SERGEF: variants seen among roughly 807,000 people sequenced by gnomAD.
The protein encoded by SERGEF is secretion regulating guanine nucleotide exchange factor.
SERGEF carries 51 observed loss-of-function variants against 50.0 expected under a neutral mutation model. That is an observed-to-expected ratio of 1.02 (90% CI 0.81 to 1.29). The LOEUF (loss-of-function observed/expected upper bound fraction) is 1.29, where lower values mean the gene tolerates loss of function less well. SERGEF is among the 50% of genes most tolerant of loss of function. The pLI is 0.00. For synonymous variants in SERGEF, 205 were observed against 212.4 expected, an observed-to-expected ratio of 0.97 and a Z score of 0.30; for missense variants, 521 against 557.0, an observed-to-expected ratio of 0.94 and a Z score of 0.65.
intron 10 of SERGEF, among the ~76,000 whole-genome samples, chr11:17,850,951 C>G (rs1013618381): frequency 6.6e-6 from 1 of 152,090 alleles, no homozygotes; most frequent in Non-Finnish European, 1.5e-5. Flanking sequence ...GTCAGGAGAC[C>G]TGGGTTGTAG....
chr11:17,829,494 T>C (rs749613725), intron 10 of SERGEF, among the ~76,000 whole-genome samples: 128 of 152,314 alleles, frequency 8.4e-4, no homozygotes, highest in Non-Finnish European at 1.6e-3. Flanking sequence ...TTAACCATTA[T>C]CGTTTTACCT....
intron 10 of SERGEF, among the ~76,000 whole-genome samples, chr11:17,814,750 C>T (rs1849933249): frequency 6.6e-6 from 1 of 152,198 alleles, no homozygotes; most frequent in Non-Finnish European, 1.5e-5. Flanking sequence ...AACTCTGGGA[C>T]AGAATTCCTG....
chr11:17,918,913 G>A (rs796279407), intron 9 of SERGEF: 9 of 333,242 alleles, frequency 2.7e-5, no homozygotes, highest in South Asian at 1.6e-4. Context: ...GAAGCAAAAG[G>A]TTCACTTAAC....
chr11:17,858,948 C>G (rs1438498652), intron 10 of SERGEF, among the ~76,000 whole-genome samples: 2 of 152,122 alleles, frequency 1.3e-5, no homozygotes, highest in Non-Finnish European at 2.9e-5. Context: ...AATAAATACC[C>G]TGACCTCGTT....
At chr11:17,910,558 G>A (rs1369612392) in intron 9 of SERGEF, among the ~76,000 whole-genome samples, 1 of 152,152 alleles carries the variant, frequency 6.6e-6, no homozygotes, top group Non-Finnish European at 1.5e-5. Flanking sequence ...CTGGCCTGTT[G>A]TGGGTTTGTT....
chr11:17,954,788 G>A (rs960751657), intron 9 of SERGEF, among the ~76,000 whole-genome samples: 1 of 152,206 alleles, frequency 6.6e-6, no homozygotes, highest in South Asian at 2.1e-4. Flanking sequence ...CATGACTCAG[G>A]ACTGTGGCTG....
chr11:17,818,730 A>G (rs1850023309), intron 10 of SERGEF, among the ~76,000 whole-genome samples: 1 of 152,158 alleles, frequency 6.6e-6, no homozygotes, highest in African/African-American at 2.4e-5. Context: ...TTACTCCTCT[A>G]TCTAAACTCC....
chr11:17,820,583 A>G (rs895180904), intron 10 of SERGEF, among the ~76,000 whole-genome samples: 1 of 152,096 alleles, frequency 6.6e-6, no homozygotes, highest in African/African-American at 2.4e-5. Flanking sequence ...GGATGATAAA[A>G]CCTACCTCAT....
chr11:17,894,004 C>T (rs568310398), intron 9 of SERGEF, among the ~76,000 whole-genome samples: 68 of 152,300 alleles, frequency 4.5e-4, no homozygotes, highest in Middle Eastern at 3.4e-3. Context: ...GACCTCTCCC[C>T]CACTCTGTCA....
At chr11:17,824,828 T>C (rs1244311126) in intron 10 of SERGEF, among the ~76,000 whole-genome samples, 1 of 152,184 alleles carries the variant, frequency 6.6e-6, no homozygotes, top group Non-Finnish European at 1.5e-5. Context: ...AAATACCTTA[T>C]CTCCAAATAC....
chr11:17,968,422 A>G (rs1328223651), intron 8 of SERGEF, among the ~76,000 whole-genome samples: 1 of 152,206 alleles, frequency 6.6e-6, no homozygotes, highest in Non-Finnish European at 1.5e-5. Context: ...TGAACAGAAC[A>G]CATAAAACTT....
intron 10 of SERGEF, among the ~76,000 whole-genome samples, chr11:17,845,229 T>G (rs1850584842): frequency 6.6e-6 from 1 of 152,240 alleles, no homozygotes; most frequent in South Asian, 2.1e-4. Context: ...CATGTCCATT[T>G]TTTTTTATAG....
intron 10 of SERGEF, among the ~76,000 whole-genome samples, chr11:17,812,240 T>C (rs1018926069): frequency 3.3e-5 from 5 of 152,174 alleles, no homozygotes; most frequent in Non-Finnish European, 7.3e-5. Context: ...AAATCACACA[T>C]GCAAAGCAAC....
intron 8 of SERGEF, among the ~76,000 whole-genome samples, chr11:17,974,479 A>T (rs1853325823): frequency 6.6e-6 from 1 of 152,208 alleles, no homozygotes; most frequent in Non-Finnish European, 1.5e-5. Context: ...CACTGTTACT[A>T]TGGACCATCT....
In SERGEF at chr11:17,973,172, A is replaced by G. The variant is rs538138386; in HGVS notation, c.845-13536T>C. 1.2e-4 allele frequency among the ~76,000 whole-genome samples: 19 copies of G among 152,310 alleles called. No individual in the cohort carries two copies. In the South Asian group the frequency reaches 3.5e-3, roughly 28 times the overall value. ...AAGCCGCAGTTCCCAAGCACGCCTA[A>G]ACCTGCAGAGGAGCTGCTTGAGTTC... On this transcript the variant is annotated intron_variant, in intron 8 of 10. Coordinates refer to ENST00000265965, the MANE Select transcript of SERGEF (RefSeq NM_012139.4).
chr11:17,843,431 C>A (rs1320582178), intron 10 of SERGEF, among the ~76,000 whole-genome samples: 1 of 152,138 alleles, frequency 6.6e-6, no homozygotes. Flanking sequence ...GCAACAGGTG[C>A]CATTCTCCTT....
At chr11:17,940,937 C>T (rs1333541178) in intron 9 of SERGEF, among the ~76,000 whole-genome samples, 2 of 152,148 alleles carry the variant, frequency 1.3e-5, no homozygotes, top group Non-Finnish European at 2.9e-5. Flanking sequence ...AATTTGGTTT[C>T]TCCACCAATA....
intron 9 of SERGEF, among the ~76,000 whole-genome samples, chr11:17,894,801 C>T (rs1851591142): frequency 6.6e-6 from 1 of 152,212 alleles, no homozygotes; most frequent in Non-Finnish European, 1.5e-5. Context: ...GCATTGAACT[C>T]TGTAAGTAAT....
chr11:17,854,697 T>C (rs1850783209), intron 10 of SERGEF: 1 of 152,136 alleles, frequency 6.6e-6, no homozygotes, highest in Non-Finnish European at 1.5e-5. Context: ...CATCTCCTTC[T>C]GGGTCTGTTT....
Sources: gnomAD v4.1 joint callset for allele counts (sites outside exome capture counted in the v4.1 genomes callset) on GRCh38, gnomAD v4.1.1 for gene constraint, MANE v1.5 for transcripts, NCBI Gene and HGNC (gene_info 2026-07-23, HGNC 2026-07-21) for gene names.